The following SLC39A11 variants were observed in gnomAD, a reference collection of about 807,000 sequenced individuals.
SLC39A11 encodes zinc transporter ZIP11.
SLC39A11 carries 33 observed loss-of-function variants against 36.1 expected under a neutral mutation model. That is an observed-to-expected ratio of 0.91 (90% CI 0.69 to 1.22). SLC39A11 has a LOEUF of 1.22. Ranked by LOEUF, SLC39A11 falls within the 50% of genes most tolerant of loss-of-function variation. SLC39A11 has a pLI of 0.00. For synonymous variants in SLC39A11, 166 were observed against 170.3 expected (o/e 0.97, Z 0.20); for missense variants, 432 against 430.3 (o/e 1.00, Z -0.03).
chr17:72,985,118 C>T (rs1220728355), intron 4 of SLC39A11, among the ~76,000 whole-genome samples: 1 of 152,216 alleles, frequency 6.6e-6, no homozygotes, highest in Non-Finnish European at 1.5e-5. Flanking sequence ...AATGTGCACA[C>T]TCCACGTGGC....
At chr17:72,742,137 A>G (rs934338834) in intron 6 of SLC39A11, among the ~76,000 whole-genome samples, 4 of 151,950 alleles carry the variant, frequency 2.6e-5, no homozygotes, top group Non-Finnish European at 5.9e-5. Flanking sequence ...CGGGAGGCAG[A>G]GGTTGCAGTG....
At chr17:72,716,902 G>A (rs1254027183) in intron 7 of SLC39A11, among the ~76,000 whole-genome samples, 4 of 150,308 alleles carry the variant, frequency 2.7e-5, no homozygotes, top group Non-Finnish European at 5.9e-5. Flanking sequence ...TCAGGGGGTG[G>A]AGGTTACAGT....
chr17:73,031,107 C>A (rs2058725452), intron 4 of SLC39A11, among the ~76,000 whole-genome samples: 1 of 152,190 alleles, frequency 6.6e-6, no homozygotes, highest in African/African-American at 2.4e-5. Flanking sequence ...CAGACCCCTG[C>A]TGCACAGAGC....
intron 7 of SLC39A11, among the ~76,000 whole-genome samples, chr17:72,675,020 AAGAGAG>A (rs543397828): frequency 6.6e-6 from 1 of 151,840 alleles, no homozygotes; most frequent in African/African-American, 2.4e-5. Context: ...CAGAGACAGA[AAGAGAG>A]AGAGAAAGTT....
chr17:72,690,423 G>A (rs1361315269), intron 7 of SLC39A11, among the ~76,000 whole-genome samples: 4 of 152,190 alleles, frequency 2.6e-5, no homozygotes, highest in African/African-American at 7.2e-5. Flanking sequence ...GTACTCACAC[G>A]GGGTTTGGAG....
intron 7 of SLC39A11, among the ~76,000 whole-genome samples, chr17:72,681,610 C>T (rs1015743937): frequency 6.6e-6 from 1 of 152,196 alleles, no homozygotes; most frequent in African/African-American, 2.4e-5. Context: ...GACATTTTCA[C>T]ATTCTGAAAC....
intron 4 of SLC39A11, among the ~76,000 whole-genome samples, chr17:73,005,995 A>G (rs1339867921): frequency 2.0e-5 from 3 of 152,058 alleles, no homozygotes; most frequent in African/African-American, 7.2e-5. Flanking sequence ...TAAAATTATC[A>G]TTAGCACCTA....
chr17:72,962,784 G>A (rs376131468), intron 4 of SLC39A11, among the ~76,000 whole-genome samples: 4 of 152,104 alleles, frequency 2.6e-5, no homozygotes, highest in South Asian at 2.1e-4. Context: ...TGGTCCACCC[G>A]CCTCAGCCTC....
chr17:72,823,410 T>C (rs1371112472), intron 6 of SLC39A11, among the ~76,000 whole-genome samples: 3 of 151,248 alleles, frequency 2.0e-5, no homozygotes, highest in African/African-American at 7.2e-5. Flanking sequence ...TGCATCAATC[T>C]CTCTAAACTC....
rs139603434 is a variant in SLC39A11, at chr17:72,848,787, T to C, written c.601+847A>G. Among the ~76,000 whole-genome samples, 478 of 151,466 alleles carry C rather than the reference T, an allele frequency of 3.2e-3. 1 individual carries two copies. Among genetic ancestry groups the C allele is most frequent in the African/African-American group, 1.0e-2 (412 of 41,376 alleles). ...AAATAGGAAAGGATTGGTAAGAACA[T>C]TTCAGAAAGATGCCCACATAAAGAA... On this transcript the variant is annotated intron_variant, in intron 6 of 9. Transcript: ENST00000255559.
intron 4 of SLC39A11, among the ~76,000 whole-genome samples, chr17:72,959,116 T>C (rs1176152825): frequency 6.6e-6 from 1 of 151,624 alleles, no homozygotes; most frequent in African/African-American, 2.4e-5. Context: ...GGGGATTCCT[T>C]AAAGAATTAA....
intron 4 of SLC39A11, among the ~76,000 whole-genome samples, chr17:72,988,611 T>G (rs1465514832): frequency 6.6e-6 from 1 of 152,196 alleles, no homozygotes; most frequent in Non-Finnish European, 1.5e-5. Flanking sequence ...TCGGTACCTT[T>G]TAAACAACAA....
chr17:72,859,052 G>C (rs970491067), intron 5 of SLC39A11, among the ~76,000 whole-genome samples: 1 of 152,236 alleles, frequency 6.6e-6, no homozygotes, highest in African/African-American at 2.4e-5. Flanking sequence ...AGTGGTGACA[G>C]AGGGCAGCCT....
rs766618993 is a variant in SLC39A11, at chr17:72,647,620, A to C, written c.972T>G (p.Phe324Leu). Residue 324 changes from phenylalanine (F) to leucine (L), a missense_variant, in exon 10 of 10, where the codon TTT becomes TTG. Phe to Leu is a conservative substitution (Grantham distance 22). Coordinates refer to ENST00000255559, the MANE Select transcript of SLC39A11 (RefSeq NM_139177.4). The stretch of plus-strand genomic sequence containing the variant: ...CAACGTCCAGTGACATCATCACTAC[A>C]AATCCCAGGATGGAGGCCCAGGATG... ...KLASWASILG[F>L]VVMMSLDVGL... 1 of 1,614,054 alleles carries C rather than the reference A, an allele frequency of 6.2e-7. No individual in the cohort carries two copies. Among genetic ancestry groups the C allele is most frequent in the Admixed American group, 1.7e-5 (1 of 60,010 alleles).
chr17:72,785,707 G>A (rs2076490437), intron 6 of SLC39A11, among the ~76,000 whole-genome samples: 1 of 152,166 alleles, frequency 6.6e-6, no homozygotes, highest in South Asian at 2.1e-4. Context: ...AAAGAGCTAA[G>A]GAGAAACAAT....
chr17:72,991,546 T>C (rs12944042), intron 4 of SLC39A11, among the ~76,000 whole-genome samples: 10,424 of 151,994 alleles, frequency 0.069, 408 homozygotes, highest in African/African-American at 0.096. Context: ...TTATTAGAGA[T>C]GGGGGTTTCA....
At chr17:72,673,704 G>C (rs1365402196) in intron 7 of SLC39A11, among the ~76,000 whole-genome samples, 2 of 152,028 alleles carry the variant, frequency 1.3e-5, no homozygotes, top group Non-Finnish European at 2.9e-5. Context: ...CCCATATTTT[G>C]GTTTAATTAT....
chr17:72,751,381 G>A (rs1010489844), intron 6 of SLC39A11, among the ~76,000 whole-genome samples: 18 of 152,134 alleles, frequency 1.2e-4, no homozygotes, highest in African/African-American at 2.9e-4. Context: ...TCTAAGAATC[G>A]TGGCCCCCAT....
At chr17:72,736,281 C>A (rs576567210) in intron 7 of SLC39A11, among the ~76,000 whole-genome samples, 253 of 152,082 alleles carry the variant, frequency 1.7e-3, no homozygotes, top group Non-Finnish European at 2.7e-3. Flanking sequence ...CGAAGGGACC[C>A]TAGCATCAAG....
Sources: gnomAD v4.1 joint callset for allele counts (sites outside exome capture counted in the v4.1 genomes callset) on GRCh38, gnomAD v4.1.1 for gene constraint, MANE v1.5 for transcripts, NCBI Gene and HGNC (gene_info 2026-07-23, HGNC 2026-07-21) for gene names.